ST8SIA6: variants seen among roughly 807,000 people sequenced by gnomAD.
ST8SIA6 encodes alpha-2,8-sialyltransferase 8F.
In ST8SIA6, 39 loss-of-function variants were observed where a neutral mutation model predicts 33.6. That is an observed-to-expected ratio of 1.16 (90% confidence interval 0.90 to 1.52). ST8SIA6 has a LOEUF of 1.52. ST8SIA6 is among the 40% of genes most tolerant of loss of function. The probability of loss-of-function intolerance (pLI) is 0.00; values close to 1 mark genes in which losing one functional copy is unlikely to be tolerated. For missense variants in ST8SIA6, 441 were observed against 443.8 expected (o/e 0.99, Z 0.06); for synonymous variants, 172 against 167.2 (o/e 1.03, Z -0.22).
chr10:17,380,548 A>G (rs565571215), intron 3 of ST8SIA6, among the ~76,000 whole-genome samples: 69 of 152,358 alleles, frequency 4.5e-4, no homozygotes, highest in African/African-American at 1.6e-3. Flanking sequence ...TTTTAACTAC[A>G]AAAGGGGCTT....
chr10:17,363,302 G>GTGTT, intron 3 of ST8SIA6, among the ~76,000 whole-genome samples: 1 of 152,080 alleles, frequency 6.6e-6, no homozygotes, highest in East Asian at 1.9e-4. Context: ...GTGTGTGTGT[G>GTGTT]TGTGTGTCCT....
chr10:17,315,906 G>C lies in ST8SIA6; in HGVS notation c.*4972C>G, dbSNP rs1196809840. 6.6e-6 allele frequency among the ~76,000 whole-genome samples: 1 copy of C among 151,872 alleles called. No homozygotes were observed. The highest frequency in any genetic ancestry group is 1.5e-5 in the Non-Finnish European group (1 of 67,862). On this transcript the variant is annotated 3_prime_UTR_variant, in exon 8 of 8. Coordinates refer to ENST00000377602, the MANE Select transcript of ST8SIA6 (RefSeq NM_001004470.3). ...CATGTCAATGACATGGGATAATACTGATTTTTCTTTTCATTTTATAATTGC... is the reference window on the plus strand; with the variant it reads ...CATGTCAATGACATGGGATAATACTCATTTTTCTTTTCATTTTATAATTGC...
chr10:17,334,757 A>C (rs1028010901), intron 4 of ST8SIA6, among the ~76,000 whole-genome samples: 2 of 152,132 alleles, frequency 1.3e-5, no homozygotes, highest in African/African-American at 4.8e-5. Flanking sequence ...GCTACGTTTC[A>C]AAATGATTAC....
intron 3 of ST8SIA6, among the ~76,000 whole-genome samples, chr10:17,377,472 T>C (rs1184506644): frequency 6.6e-6 from 1 of 152,206 alleles, no homozygotes; most frequent in Non-Finnish European, 1.5e-5. Context: ...TCAACAAAAA[T>C]TAATTGAGCA....
At chr10:17,418,821 C>T (rs992226439) in intron 2 of ST8SIA6, among the ~76,000 whole-genome samples, 2 of 151,516 alleles carry the variant, frequency 1.3e-5, no homozygotes, top group Admixed American at 6.6e-5. Context: ...GGCGAAACCC[C>T]GTCTCTACTA....
In ST8SIA6 at chr10:17,321,190, C is replaced by T. The variant is rs190435399; in HGVS notation, c.885G>A (p.Lys295=). Residue 295 remains lysine (K), a synonymous_variant, in exon 8 of 8, where the codon AAG becomes AAA. Coordinates refer to ENST00000377602, the MANE Select transcript of ST8SIA6 (RefSeq NM_001004470.3). ...GGTACTTGGGATGGAAAAATAGAAC[C>T]TTTTGTCTTGCTTTAGACTCTTCGA... is the stretch of plus-strand genomic sequence containing the variant. The part of the protein sequence containing the change: ...YTLEESKARQ[K]VLFFHPKYLK... 1 of 1,613,870 alleles carries T rather than the reference C, an allele frequency of 6.2e-7. No individual in the cohort carries two copies. The highest frequency in any genetic ancestry group is 8.5e-7 in the Non-Finnish European group (1 of 1,179,978).
At chr10:17,402,069 CACAA>C (rs1218214625) in intron 2 of ST8SIA6, among the ~76,000 whole-genome samples, 2 of 152,120 alleles carry the variant, frequency 1.3e-5, no homozygotes, top group Admixed American at 6.5e-5. Context: ...CTACAAAGAA[CACAA>C]ACAAATTTAC....
At chr10:17,334,534 G>A (rs1261902134) in intron 4 of ST8SIA6, among the ~76,000 whole-genome samples, 4 of 127,518 alleles carry the variant, frequency 3.1e-5, no homozygotes, top group Non-Finnish European at 4.8e-5. Flanking sequence ...GCGAGACTCC[G>A]TTTCAAAAAA....
chr10:17,434,042 G>T (rs553132887), intron 2 of ST8SIA6, among the ~76,000 whole-genome samples: 32 of 152,216 alleles, frequency 2.1e-4, no homozygotes, highest in Non-Finnish European at 3.7e-4. Flanking sequence ...ACAGGCACTT[G>T]TACCTGTTTA....
At chr10:17,386,593 C>G (rs1850359863) in intron 3 of ST8SIA6, among the ~76,000 whole-genome samples, 1 of 152,188 alleles carries the variant, frequency 6.6e-6, no homozygotes, top group Non-Finnish European at 1.5e-5. Flanking sequence ...CACAGAGTTT[C>G]TTCTCCTTCC....
chr10:17,340,545 T>C (rs768188901), intron 4 of ST8SIA6, among the ~76,000 whole-genome samples: 7 of 152,192 alleles, frequency 4.6e-5, no homozygotes, highest in Admixed American at 3.3e-4. Context: ...GTGTCAGGGA[T>C]AAGAACCCCT....
intron 3 of ST8SIA6, among the ~76,000 whole-genome samples, chr10:17,379,447 G>A (rs1476648080): frequency 6.6e-6 from 1 of 152,122 alleles, no homozygotes; most frequent in African/African-American, 2.4e-5. Flanking sequence ...AAATATCTTG[G>A]GCCCCCAAAA....
intron 3 of ST8SIA6, among the ~76,000 whole-genome samples, chr10:17,373,906 C>T (rs558174882): frequency 3.3e-5 from 5 of 152,156 alleles, no homozygotes; most frequent in African/African-American, 1.2e-4. Context: ...CCATTTTTCT[C>T]TGAGAGAAAA....
In ST8SIA6 at chr10:17,320,768, T is replaced by G; in HGVS notation, c.*110A>C. On this transcript the variant is annotated 3_prime_UTR_variant, in exon 8 of 8. Transcript: ENST00000377602. ...GTGGGGAAGCTTTGGTCAAACCAAA[T>G]TTTGGGGCTCATCTCAAAATACTCT... is the stretch of plus-strand genomic sequence containing the variant. The G allele has an allele frequency of 8.4e-7, 1 of 1,185,086 alleles. No homozygotes were observed. Among genetic ancestry groups the G allele is most frequent in the Non-Finnish European group, 1.2e-6 (1 of 843,738 alleles). 73.4% of individuals were successfully genotyped at this position (1,185,086 alleles called of 1,614,324 possible).
chr10:17,406,673 ACTT>A (rs1851274897), intron 2 of ST8SIA6, among the ~76,000 whole-genome samples: 1 of 152,032 alleles, frequency 6.6e-6, no homozygotes, highest in South Asian at 2.1e-4. Flanking sequence ...TTAAGGCAGC[ACTT>A]CTTCAACTGC....
At chr10:17,370,745 C>T (rs1849707520) in intron 3 of ST8SIA6, among the ~76,000 whole-genome samples, 1 of 152,198 alleles carries the variant, frequency 6.6e-6, no homozygotes, top group Non-Finnish European at 1.5e-5. Flanking sequence ...TGCTCCAACC[C>T]ACTTCCTTGG....
At chr10:17,370,639 A>G (rs1849703226) in intron 3 of ST8SIA6, among the ~76,000 whole-genome samples, 2 of 152,118 alleles carry the variant, frequency 1.3e-5, no homozygotes, top group Non-Finnish European at 2.9e-5. Context: ...TATTATTATT[A>G]TAGGTATTAG....
chr10:17,448,197 A>G lies in ST8SIA6; in HGVS notation c.200+5362T>C, dbSNP rs71495265. ...ACCACAGGAAAGGGAGAGAAAGGCC[A>G]TTAAGATAAATAGCAGGCGAACCTC... On this transcript the variant is annotated intron_variant, in intron 2 of 7. Transcript: ENST00000377602. Among the ~76,000 whole-genome samples the G allele has an allele frequency of 2.2e-3, 336 of 152,330 alleles. 3 individuals are homozygous for G. The highest frequency in any genetic ancestry group is 6.8e-3 in the Middle Eastern group (2 of 294).
At chr10:17,343,609 A>G (rs1037673816) in intron 4 of ST8SIA6, among the ~76,000 whole-genome samples, 1 of 152,120 alleles carries the variant, frequency 6.6e-6, no homozygotes, top group African/African-American at 2.4e-5. Context: ...TAATGGGCAC[A>G]TGAAATAAAA....
Sources: gnomAD v4.1 joint callset for allele counts (sites outside exome capture counted in the v4.1 genomes callset) on GRCh38, gnomAD v4.1.1 for gene constraint, MANE v1.5 for transcripts, NCBI Gene and HGNC (gene_info 2026-07-23, HGNC 2026-07-21) for gene names.